SLC36A1: variants seen among roughly 807,000 people sequenced by gnomAD.
SLC36A1 encodes the protein solute carrier family 36 member 1.
SLC36A1 carries 30 observed loss-of-function variants against 47.5 expected under a neutral mutation model. The ratio of observed to expected loss-of-function variants is 0.63; its 90% CI spans 0.47 to 0.86. The LOEUF is 0.86. SLC36A1 is among the 40% of genes least tolerant of loss of function. The pLI is 0.00. For synonymous variants in SLC36A1, 255 were observed against 249.7 expected, an observed-to-expected ratio of 1.02 and a Z score of -0.20; for missense variants, 517 against 606.0, an observed-to-expected ratio of 0.85 and a Z score of 1.54.
chr5:151,499,399 G>A, the SLC36A1 span, among the ~76,000 whole-genome samples: 4,334 of 152,266 alleles, frequency 0.028, 190 homozygotes, highest in African/African-American at 0.099. Context: ...GTTTCAAGTC[G>A]TGCAAAGAGG....
chr5:151,500,073 G>A, the SLC36A1 span, among the ~76,000 whole-genome samples: 1 of 152,170 alleles, frequency 6.6e-6, no homozygotes, highest in African/African-American at 2.4e-5. Flanking sequence ...CCCTGGCTCT[G>A]TGCCACCTAG....
the SLC36A1 span, among the ~76,000 whole-genome samples, chr5:151,553,568 G>A: frequency 1.3e-5 from 2 of 152,216 alleles, no homozygotes; most frequent in African/African-American, 4.8e-5. Context: ...AGTTGCTGCA[G>A]GCACGGTGGT....
chr5:151,431,005 T>C, the SLC36A1 span, among the ~76,000 whole-genome samples: 2 of 152,190 alleles, frequency 1.3e-5, no homozygotes, highest in Non-Finnish European at 2.9e-5. Context: ...ACCCAAATGG[T>C]ATGTTGTGTT....
the SLC36A1 span, chr5:151,531,591 G>A: frequency 1.2e-6 from 2 of 1,612,258 alleles, no homozygotes; most frequent in East Asian, 2.2e-5. This position sits in a 1 kb window ranked among gnomAD's most constrained non-coding sequence, Gnocchi z 5.7. Context: ...TCTCACCTGT[G>A]CGAGCATCCA....
chr5:151,553,882 A>G, the SLC36A1 span, among the ~76,000 whole-genome samples: 8 of 152,326 alleles, frequency 5.3e-5, no homozygotes, highest in African/African-American at 1.7e-4. Flanking sequence ...TGGTCGATTC[A>G]CCTGCCAGAT....
At chr5:151,521,887 G>A in the SLC36A1 span, 6 of 1,614,084 alleles carry the variant, frequency 3.7e-6, no homozygotes, top group Non-Finnish European at 5.1e-6. Context: ...CTCCTCTTCT[G>A]CCAGGCTATA....
the SLC36A1 span, among the ~76,000 whole-genome samples, chr5:151,385,104 T>C: frequency 6.6e-6 from 1 of 151,488 alleles, no homozygotes; most frequent in East Asian, 1.9e-4. Context: ...CATAAATACC[T>C]TGGGAATAAA....
intron 1 of SLC36A1, among the ~76,000 whole-genome samples, chr5:151,454,165 T>C (rs1336917594): frequency 2.0e-5 from 3 of 147,384 alleles, no homozygotes; most frequent in African/African-American, 7.6e-5. Flanking sequence ...AGTCTAAATA[T>C]CTAATGGAGA....
the SLC36A1 span, among the ~76,000 whole-genome samples, chr5:151,498,447 A>G: frequency 1.3e-5 from 2 of 152,202 alleles, no homozygotes; most frequent in Non-Finnish European, 2.9e-5. Flanking sequence ...AAGTACTGGT[A>G]ATATCCCCAC....
In SLC36A1 at chr5:151,464,436, G is replaced by A. The variant is rs577635847; in HGVS notation, c.235-78G>A. 7 of 1,281,334 alleles carry A rather than the reference G, an allele frequency of 5.5e-6. No individual in the cohort carries two copies. The East Asian group carries it at 7.0e-5, about 13-fold the overall frequency. 79.4% of individuals were successfully genotyped at this position (1,281,334 alleles called of 1,614,324 possible). A position where few individuals can be genotyped will look rare whatever the true frequency, so the allele number is the denominator to read the frequency against. ...CCTTAGTAGCTTTTTAATCCTTTGT[G>A]AACTGAGTATCCATTGGGTTCACTC... On this transcript the variant is annotated intron_variant, in intron 3 of 10. Transcript: ENST00000243389.
At chr5:151,521,075 C>G in the SLC36A1 span, among the ~76,000 whole-genome samples, 2 of 152,172 alleles carry the variant, frequency 1.3e-5, no homozygotes, top group East Asian at 3.8e-4. Context: ...TTCTAAATCT[C>G]GAAAGGGAGC....
chr5:151,500,318 G>A, the SLC36A1 span, among the ~76,000 whole-genome samples: 2 of 152,060 alleles, frequency 1.3e-5, no homozygotes, highest in African/African-American at 4.8e-5. Flanking sequence ...TCTGTGCCTC[G>A]GTTTCTCCAT....
the SLC36A1 span, chr5:151,543,298 T>C: frequency 2.5e-6 from 4 of 1,614,092 alleles, no homozygotes; most frequent in East Asian, 2.2e-5. Context: ...ATCTGCATCA[T>C]AGGCCAACAC....
At chr5:151,404,822 T>C in the SLC36A1 span, among the ~76,000 whole-genome samples, 2 of 152,226 alleles carry the variant, frequency 1.3e-5, no homozygotes. Context: ...CTGATTCTTC[T>C]CTAGCTGCCT....
the SLC36A1 span, among the ~76,000 whole-genome samples, chr5:151,419,274 C>T: frequency 5.3e-5 from 8 of 152,288 alleles, no homozygotes; most frequent in African/African-American, 1.7e-4. Flanking sequence ...CAATTTTCAA[C>T]CCTATCATGA....
the SLC36A1 span, chr5:151,545,586 G>A: frequency 6.2e-7 from 1 of 1,614,018 alleles, no homozygotes; most frequent in Admixed American, 1.7e-5. Context: ...ATAATACAGG[G>A]CTTCCTTGGT....
chr5:151,439,498 C>T (rs1752495921), intron 1 of SLC36A1, among the ~76,000 whole-genome samples: 1 of 151,676 alleles, frequency 6.6e-6, no homozygotes. Flanking sequence ...ACTAAAAATA[C>T]AAAAATTTGC....
the SLC36A1 span, among the ~76,000 whole-genome samples, chr5:151,497,968 G>A: frequency 2.0e-5 from 3 of 148,504 alleles, no homozygotes; most frequent in East Asian, 2.0e-4. Context: ...TTTTTGAGAC[G>A]AAGTCTTGCT....
At chr5:151,467,681 C>T (rs372549745) in intron 6 of SLC36A1, 26 bp from the exon 7 acceptor site, 102 of 1,594,242 alleles carry the variant, frequency 6.4e-5, no homozygotes, top group East Asian at 2.7e-4. Flanking sequence ...GAGGTGTTTC[C>T]GTTTTCTTCC....
Sources: gnomAD v4.1 joint callset for allele counts (sites outside exome capture counted in the v4.1 genomes callset) on GRCh38, gnomAD v4.1.1 for gene constraint, Gnocchi (gnomAD v3.1) non-coding constraint, MANE v1.5 for transcripts, NCBI Gene and HGNC (gene_info 2026-07-23, HGNC 2026-07-21) for gene names.